The following ADGRL2 variants were observed in gnomAD, a reference collection of about 807,000 sequenced individuals.
ADGRL2 encodes calcium-independent alpha-latrotoxin receptor 2.
ADGRL2 carries 44 observed loss-of-function variants against 157.4 expected under a neutral mutation model. That is an observed-to-expected ratio of 0.28 (90% CI 0.22 to 0.36). The LOEUF (loss-of-function observed/expected upper bound fraction) is 0.36. Among genes scored for constraint, ADGRL2 ranks in the 10% least tolerant of loss-of-function variants. The pLI is 1.00. For synonymous variants in ADGRL2, 585 were observed against 624.7 expected (o/e 0.94, Z 0.95); for missense variants, 1,510 against 1,768.9 (o/e 0.85, Z 2.63).
chr1:81,746,442 A>G (rs2085249134), intron 1 of ADGRL2, among the ~76,000 whole-genome samples: 1 of 152,014 alleles, frequency 6.6e-6, no homozygotes, highest in Admixed American at 6.6e-5. Context: ...GATGCCCACA[A>G]CCACACCTGA....
At chr1:81,801,874 AT>A (rs937326017) in intron 1 of ADGRL2, among the ~76,000 whole-genome samples, 3 of 150,616 alleles carry the variant, frequency 2.0e-5, no homozygotes, top group South Asian at 2.1e-4. Flanking sequence ...CTGATTCCCG[AT>A]TTTTTTTTCC....
intron 1 of ADGRL2, among the ~76,000 whole-genome samples, chr1:81,738,969 T>C (rs1339004585): frequency 6.6e-6 from 1 of 152,226 alleles, no homozygotes; most frequent in Non-Finnish European, 1.5e-5. Flanking sequence ...CTATGCCTGC[T>C]ACCCCAGGGA....
At chr1:81,513,676 T>C (rs1455962974) in intron 2 of ADGRL2, among the ~76,000 whole-genome samples, 1 of 152,112 alleles carries the variant, frequency 6.6e-6, no homozygotes, top group Non-Finnish European at 1.5e-5. Flanking sequence ...GTTTTGTGTT[T>C]ATGTGCAAAG....
chr1:81,360,215 C>T (rs1336864107), intron 1 of ADGRL2, among the ~76,000 whole-genome samples: 5 of 151,940 alleles, frequency 3.3e-5, no homozygotes, highest in African/African-American at 1.2e-4. Flanking sequence ...TTAAACAAAT[C>T]AAGAACAGCC....
At position 81,688,423 on chromosome 1, in the gene ADGRL2, C is replaced by T. The variant is rs72716699; in HGVS notation, c.-142-73388C>T. On this transcript the variant is annotated intron_variant, in intron 3 of 24. Transcript: ENST00000370721. ...TGGGTTAATTCAAAGACCTTGTCTT[C>T]GAACTCCAAATTTCTTTCTTCTACT... Among the ~76,000 whole-genome samples the T allele has an allele frequency of 1.1e-3, 165 of 152,084 alleles. 1 individual carries two copies. The highest frequency in any genetic ancestry group is 3.7e-3 in the African/African-American group (152 of 41,526).
intron 1 of ADGRL2, chr1:81,722,629 G>C: frequency 1.4e-6 from 2 of 1,414,774 alleles, no homozygotes; most frequent in Non-Finnish European, 2.0e-6. Flanking sequence ...CTGTAAATTG[G>C]ATTACGATGA....
At chr1:81,525,225 A>G (rs2148198218) in intron 2 of ADGRL2, among the ~76,000 whole-genome samples, 1 of 152,292 alleles carries the variant, frequency 6.6e-6, no homozygotes, top group African/African-American at 2.4e-5. Flanking sequence ...TCTTCAAACC[A>G]GTAAGCTTGA....
At chr1:81,651,443 T>C (rs916564820) in intron 3 of ADGRL2, among the ~76,000 whole-genome samples, 1 of 152,164 alleles carries the variant, frequency 6.6e-6, no homozygotes, top group Non-Finnish European at 1.5e-5. Context: ...AATAAAACAA[T>C]GGCACTTGCT....
intron 3 of ADGRL2, among the ~76,000 whole-genome samples, chr1:81,910,627 C>CT (rs557605440): frequency 0.011 from 1,505 of 141,716 alleles, 30 homozygotes; most frequent in Admixed American, 0.033. Context: ...CTCTTGGCAC[C>CT]TTTTTTTTTT....
intron 3 of ADGRL2, among the ~76,000 whole-genome samples, chr1:81,930,577 T>G (rs952951870): frequency 6.6e-6 from 1 of 152,216 alleles, no homozygotes; most frequent in South Asian, 2.1e-4. Context: ...AGCTATTTCT[T>G]AAAATCTTTT....
At chr1:81,468,006 T>C (rs979969694) in intron 2 of ADGRL2, among the ~76,000 whole-genome samples, 6 of 152,212 alleles carry the variant, frequency 3.9e-5, no homozygotes, top group Non-Finnish European at 7.3e-5. Context: ...TCAGTTCCTT[T>C]CCTTAGCTAT....
intron 2 of ADGRL2, among the ~76,000 whole-genome samples, chr1:81,776,191 A>ATTTTTTTTTTTTT (rs34378166): frequency 6.9e-6 from 1 of 144,908 alleles, no homozygotes. Context: ...ACCTTAAAGC[A>ATTTTTTTTTTTTT]TTTTTTTTTT....
intron 1 of ADGRL2, among the ~76,000 whole-genome samples, chr1:81,334,820 C>T (rs939059878): frequency 6.6e-6 from 1 of 152,070 alleles, no homozygotes; most frequent in African/African-American, 2.4e-5. Flanking sequence ...GAATTAGTTG[C>T]CAGTCAGGGA....
intron 3 of ADGRL2, among the ~76,000 whole-genome samples, chr1:81,668,338 T>C (rs1270122684): frequency 6.6e-6 from 1 of 151,046 alleles, no homozygotes; most frequent in Non-Finnish European, 1.5e-5. Context: ...GGCAGAAGAA[T>C]CGCATGAACC....
intron 1 of ADGRL2, among the ~76,000 whole-genome samples, chr1:81,742,859 C>G (rs945434710): frequency 6.6e-6 from 1 of 151,920 alleles, no homozygotes; most frequent in Admixed American, 6.6e-5. Flanking sequence ...ATTGCTTTTC[C>G]CAGAATTTCT....
At chr1:81,427,576 T>G (rs1231236164) in intron 1 of ADGRL2, 1 of 737,908 alleles carries the variant, frequency 1.4e-6, no homozygotes, top group African/African-American at 1.7e-5. Context: ...ATGGATCTGG[T>G]GATGGACATG....
chr1:81,888,556 A>T (rs547969597), intron 2 of ADGRL2, among the ~76,000 whole-genome samples: 1 of 152,158 alleles, frequency 6.6e-6, no homozygotes, highest in Admixed American at 6.5e-5. Flanking sequence ...CTCCCGCCTC[A>T]GCCTCCCGAG....
At chr1:81,722,443 T>G in intron 1 of ADGRL2, 1 of 1,311,542 alleles carries the variant, frequency 7.6e-7, no homozygotes, top group Non-Finnish European at 1.1e-6. Flanking sequence ...GCTTGGCCGT[T>G]TTGTATGCCA....
chr1:81,520,249 A>G (rs748344321), intron 2 of ADGRL2, among the ~76,000 whole-genome samples: 3 of 152,160 alleles, frequency 2.0e-5, no homozygotes, highest in Non-Finnish European at 4.4e-5. Flanking sequence ...GTTTTTTAAT[A>G]GAAGCAATAC....
Sources: allele counts gnomAD v4.1 joint callset (sites outside exome capture counted in the v4.1 genomes callset), GRCh38; gene constraint gnomAD v4.1.1; transcripts MANE v1.5; gene names NCBI Gene and HGNC (gene_info 2026-07-23, HGNC 2026-07-21).